Variants in RAP1GDS1 observed in about 807,000 individuals in gnomAD.
RAP1GDS1 encodes Rap1 GTPase-GDP dissociation stimulator 1.
Under a neutral mutation model 71.1 loss-of-function variants are expected in RAP1GDS1, and 35 were observed. That is an observed-to-expected ratio of 0.49 (90% CI 0.38 to 0.65). The LOEUF is 0.65. Among genes scored for constraint, RAP1GDS1 ranks in the 30% least tolerant of loss-of-function variants. The pLI is 0.00. For synonymous variants in RAP1GDS1, 229 were observed against 243.1 expected, an observed-to-expected ratio of 0.94 and a Z score of 0.54; for missense variants, 663 against 706.1, an observed-to-expected ratio of 0.94 and a Z score of 0.69.
At chr4:98,303,685 G>T (rs1728906666) in intron 2 of RAP1GDS1, among the ~76,000 whole-genome samples, 1 of 147,994 alleles carries the variant, frequency 6.8e-6, no homozygotes, top group Non-Finnish European at 1.5e-5. Context: ...TTCAGTATAG[G>T]AAGAGAACTT....
chr4:98,285,120 G>A (rs951465893), intron 1 of RAP1GDS1, among the ~76,000 whole-genome samples: 13 of 152,070 alleles, frequency 8.5e-5, no homozygotes, highest in Admixed American at 2.6e-4. Flanking sequence ...ATATAAAAAC[G>A]TTTTTATATA....
Position 98,394,655 on chromosome 4 carries a change from T to C in RAP1GDS1, c.637+2575T>C, listed in dbSNP as rs75855994. On this transcript the variant is annotated intron_variant, in intron 6 of 14. Coordinates refer to ENST00000408927, the MANE Select transcript of RAP1GDS1 (RefSeq NM_001100427.2). Reference sequence around the variant, plus strand: ...TCATACATACAGTCAAGAGCTTCTGTGAGAGGAAAATTCATTTATCTAAGT... The same window carrying C: ...TCATACATACAGTCAAGAGCTTCTGCGAGAGGAAAATTCATTTATCTAAGT... Among the ~76,000 whole-genome samples the C allele has an allele frequency of 7.9e-3, 1,196 of 152,164 alleles. 16 individuals carry two copies. The highest frequency in any genetic ancestry group is 0.028 in the African/African-American group (1,146 of 41,536).
chr4:98,370,673 C>T lies in RAP1GDS1; in HGVS notation c.362-8344C>T, dbSNP rs190931999. Among the ~76,000 whole-genome samples, 1,098 of 151,852 alleles carry T rather than the reference C, an allele frequency of 7.2e-3. 10 individuals carry two copies. Among genetic ancestry groups the T allele is most frequent in the Non-Finnish European group, 8.8e-3 (599 of 67,968 alleles). On this transcript the variant is annotated intron_variant, in intron 4 of 14. Transcript: ENST00000408927. ...GCAACTTCCACCTCCTGGGTTCAAG[C>T]GATTCTCCTGCCTCAGCCTCCCGAG...
intron 7 of RAP1GDS1, among the ~76,000 whole-genome samples, chr4:98,405,776 T>C (rs966307677): frequency 1.3e-5 from 2 of 152,068 alleles, no homozygotes; most frequent in Admixed American, 1.3e-4. Context: ...ATGTTATAAA[T>C]GTGGTTTGTC....
intron 12 of RAP1GDS1, among the ~76,000 whole-genome samples, chr4:98,423,888 T>A (rs921466047): frequency 6.6e-6 from 1 of 151,932 alleles, no homozygotes; most frequent in Admixed American, 6.6e-5. Context: ...TTAATGGGGG[T>A]AGAAAGGACA....
At position 98,289,239 on chromosome 4, in the gene RAP1GDS1, A is replaced by C. The variant is rs185907535; in HGVS notation, c.5-4169A>C. ...TATAAAAATAGAAACTTTCATGTTTATCAAGGTATAAACAAAATGTGGGAG... is the reference window on the plus strand; with the variant it reads ...TATAAAAATAGAAACTTTCATGTTTCTCAAGGTATAAACAAAATGTGGGAG... On this transcript the variant is annotated intron_variant, in intron 1 of 14. Transcript: ENST00000408927. 9.9e-4 allele frequency among the ~76,000 whole-genome samples: 151 copies of C among 152,282 alleles called. 1 individual carries two copies. The Middle Eastern group carries it at 0.017, about 17-fold the overall frequency.
chr4:98,283,410 A>G (rs1471488842), intron 1 of RAP1GDS1, among the ~76,000 whole-genome samples: 2 of 151,830 alleles, frequency 1.3e-5, no homozygotes, highest in Non-Finnish European at 2.9e-5. Flanking sequence ...GTTGCATACA[A>G]AGCACCATCA....
At chr4:98,282,981 GAGAC>G (rs1463964078) in intron 1 of RAP1GDS1, among the ~76,000 whole-genome samples, 1 of 152,108 alleles carries the variant, frequency 6.6e-6, no homozygotes, top group Non-Finnish European at 1.5e-5. Context: ...TGTGGTCTGA[GAGAC>G]AGTTTGTTAT....
chr4:98,378,539 A>T (rs995336423), intron 4 of RAP1GDS1, among the ~76,000 whole-genome samples: 4 of 152,028 alleles, frequency 2.6e-5, no homozygotes, highest in Admixed American at 1.3e-4. Flanking sequence ...AAGAGCTATT[A>T]TCAAAGACAT....
intron 1 of RAP1GDS1, among the ~76,000 whole-genome samples, chr4:98,273,514 A>G (rs1415800154): frequency 6.6e-6 from 1 of 151,954 alleles, no homozygotes; most frequent in Non-Finnish European, 1.5e-5. Flanking sequence ...TTTAATTTAT[A>G]TTTTTTATTT....
intron 2 of RAP1GDS1, among the ~76,000 whole-genome samples, chr4:98,303,380 CAA>C (rs1267276610): frequency 6.6e-6 from 1 of 151,842 alleles, no homozygotes; most frequent in Non-Finnish European, 1.5e-5. Flanking sequence ...TACAAAATTT[CAA>C]AGACTTAGTA....
intron 1 of RAP1GDS1, among the ~76,000 whole-genome samples, chr4:98,262,386 ATAGT>A (rs1448611468): frequency 6.6e-6 from 1 of 152,238 alleles, no homozygotes; most frequent in African/African-American, 2.4e-5. Flanking sequence ...CTTTGTATTT[ATAGT>A]TAATCTGAAG....
At chr4:98,418,004 C>G (rs1015149202) in intron 9 of RAP1GDS1, among the ~76,000 whole-genome samples, 7 of 152,132 alleles carry the variant, frequency 4.6e-5, no homozygotes, top group Non-Finnish European at 1.0e-4. Context: ...CAAATACAGT[C>G]TAGAAACTCA....
At position 98,393,965 on chromosome 4, in the gene RAP1GDS1, G is replaced by A. The variant is rs114758856; in HGVS notation, c.637+1885G>A. Among the ~76,000 whole-genome samples the A allele has an allele frequency of 7.9e-3, 1,196 of 152,200 alleles. 15 individuals carry two copies. The highest frequency in any genetic ancestry group is 0.027 in the African/African-American group (1,142 of 41,534). ...GCTCTCATTATATTTCTGTTGGACA[G>A]TGGTGCTCTAGAAAATGAAGTGCAA... On this transcript the variant is annotated intron_variant, in intron 6 of 14. Coordinates refer to ENST00000408927, the MANE Select transcript of RAP1GDS1 (RefSeq NM_001100427.2).
At chr4:98,420,678 TA>T (rs1246719297) in intron 11 of RAP1GDS1, among the ~76,000 whole-genome samples, 10 of 152,328 alleles carry the variant, frequency 6.6e-5, no homozygotes, top group Admixed American at 5.9e-4. Context: ...TGACTTTAAA[TA>T]GAAATTATAC....
intron 1 of RAP1GDS1, among the ~76,000 whole-genome samples, chr4:98,279,059 A>G (rs766729440): frequency 4.5e-4 from 69 of 152,080 alleles, no homozygotes; most frequent in Non-Finnish European, 8.4e-4. Context: ...CGTCTCTACT[A>G]AAAATACAAA....
chr4:98,309,620 G>T (rs1388902039), intron 2 of RAP1GDS1, among the ~76,000 whole-genome samples: 5 of 151,800 alleles, frequency 3.3e-5, no homozygotes, highest in Non-Finnish European at 7.4e-5. Flanking sequence ...AATTTAAAAA[G>T]AATTTGTAGA....
At chr4:98,295,970 G>A (rs770034061) in intron 2 of RAP1GDS1, among the ~76,000 whole-genome samples, 1 of 151,876 alleles carries the variant, frequency 6.6e-6, no homozygotes, top group Non-Finnish European at 1.5e-5. Flanking sequence ...TGCTACTTCT[G>A]TCCTCCTAAA....
intron 1 of RAP1GDS1, among the ~76,000 whole-genome samples, chr4:98,274,355 G>GA (rs1437720848): frequency 2.6e-5 from 4 of 152,240 alleles, no homozygotes; most frequent in African/African-American, 9.6e-5. Flanking sequence ...AAAATTTACA[G>GA]AACTTATGAT....
Sources: gnomAD v4.1 joint callset for allele counts (sites outside exome capture counted in the v4.1 genomes callset) on GRCh38, gnomAD v4.1.1 for gene constraint, MANE v1.5 for transcripts, NCBI Gene and HGNC (gene_info 2026-07-23, HGNC 2026-07-21) for gene names.